POLR3E: variants seen among roughly 807,000 people sequenced by gnomAD.
POLR3E encodes RNA polymerase III subunit E, also known as DNA-directed RNA polymerase III subunit RPC5.
A neutral mutation model predicts 96.6 loss-of-function variants in POLR3E; 41 were observed. That is an observed-to-expected ratio of 0.42 (90% CI 0.33 to 0.55). POLR3E has a LOEUF of 0.55. Among genes scored for constraint, POLR3E ranks in the 20% least tolerant of loss-of-function variants. The pLI is 0.06. For missense variants in POLR3E, 849 were observed against 952.1 expected (o/e 0.89, Z 1.43); for synonymous variants, 396 against 383.6 (o/e 1.03, Z -0.38).
chr16:22,308,422 G>A (rs991306034), intron 4 of POLR3E, 197 bp downstream of exon 4: 36 of 581,782 alleles, frequency 6.2e-5, no homozygotes, highest in Middle Eastern at 9.2e-4. Context: ...GGACGCATGA[G>A]GCTGATGAAT....
At chr16:22,333,568 T>G in intron 20 of POLR3E, 76 bp from the exon 21 acceptor site, 2 of 970,828 alleles carry the variant, frequency 2.1e-6, no homozygotes, top group Admixed American at 1.7e-5. Context: ...ATAAATCGAG[T>G]GTTGACATTG....
intron 18 of POLR3E, chr16:22,327,390 T>TAG (rs2048621466): frequency 6.6e-6 from 1 of 152,260 alleles, no homozygotes; most frequent in Non-Finnish European, 1.5e-5. Flanking sequence ...AGCTCACCTT[T>TAG]CTTCATGAGC....
chr16:22,297,697 G>A (rs1395017007), intron 1 of POLR3E, among the ~76,000 whole-genome samples, 160 bp downstream of exon 1: 2 of 152,260 alleles, frequency 1.3e-5, no homozygotes, highest in South Asian at 2.1e-4. Flanking sequence ...AGGGGCAGCC[G>A]GCTCCAGGCC....
chr16:22,328,382 A>AT (rs1229442547), intron 18 of POLR3E, 128 bp from the exon 19 acceptor site: 8 of 752,950 alleles, frequency 1.1e-5, no homozygotes, highest in African/African-American at 1.7e-5. Flanking sequence ...AGAGATGGTG[A>AT]GTAGCAGAAG....
In POLR3E at chr16:22,315,084, C is replaced by T. The variant is rs57791610; in HGVS notation, c.523-5C>T. 7,951 of 1,612,802 alleles carry T rather than the reference C, an allele frequency of 4.9e-3. 235 individuals carry two copies. In the African/African-American group the frequency reaches 0.065, roughly 13 times the overall value. On this transcript the variant is annotated splice_region_variant and splice_polypyrimidine_tract_variant and intron_variant, in intron 8 of 20. Transcript: ENST00000299853. ...CGGTATGACCTCTTCCCCTTCCCAC[C>T]GCAGGTGCGGTTCTCCCGGCCGGAG...
intron 18 of POLR3E, 105 bp from the exon 19 acceptor site, chr16:22,328,405 C>T: frequency 1.1e-6 from 1 of 934,352 alleles, no homozygotes; most frequent in Non-Finnish European, 1.7e-6. Flanking sequence ...GGGATTGGAA[C>T]CCATGTTCCT....
At position 22,309,044 on chromosome 16, in the gene POLR3E, A is replaced by G. The variant is rs1598244721; in HGVS notation, c.281+4A>G. 3.7e-6 allele frequency: 6 copies of G among 1,601,970 alleles called. No individual in the cohort carries two copies. Among genetic ancestry groups the G allele is most frequent in the Non-Finnish European group, 5.1e-6 (6 of 1,169,558 alleles). On this transcript the variant is annotated splice_donor_region_variant and intron_variant, in intron 5 of 20. Transcript: ENST00000299853. The stretch of plus-strand genomic sequence containing the variant: ...ACGAGACCAGCACGTATTCCTCGTG[A>G]GTTTCCGGCCCCAAGCCTGTCCGGT...
At chr16:22,316,807 C>A in intron 10 of POLR3E, 121 bp downstream of exon 10, 3 of 1,004,194 alleles carry the variant, frequency 3.0e-6, no homozygotes, top group South Asian at 1.3e-5. Flanking sequence ...AGCCCATTGT[C>A]CCCTGGAGAA....
At chr16:22,311,268 CTTTT>C (rs57435708) in intron 6 of POLR3E, among the ~76,000 whole-genome samples, 7 of 109,422 alleles carry the variant, frequency 6.4e-5, no homozygotes, top group African/African-American at 2.5e-4. Flanking sequence ...TGTGCCCAGC[CTTTT>C]TTTTTTTTTT....
At chr16:22,308,870 T>G in intron 4 of POLR3E, 55 bp from the exon 5 acceptor site, 1 of 1,237,896 alleles carries the variant, frequency 8.1e-7, no homozygotes, top group Non-Finnish European at 1.2e-6. Flanking sequence ...GGGTGTCCCT[T>G]GAGGAGCCAT....
chr16:22,327,368 T>G (rs552051927), intron 18 of POLR3E: 1 of 152,458 alleles, frequency 6.6e-6, no homozygotes, highest in African/African-American at 2.4e-5. Context: ...CACATGGGTC[T>G]GGGTCTCCAC....
chr16:22,329,709 T>TA (rs1170678487), intron 19 of POLR3E, among the ~76,000 whole-genome samples: 1 of 152,226 alleles, frequency 6.6e-6, no homozygotes, highest in Non-Finnish European at 1.5e-5. Flanking sequence ...TGCAGATTTT[T>TA]AAACATCAAA....
At chr16:22,305,447 G>A (rs764357149) in intron 3 of POLR3E, 1 of 685,576 alleles carries the variant, frequency 1.5e-6, no homozygotes, top group East Asian at 2.8e-5. Context: ...TCTGGGGTCA[G>A]ACCGGATTGA....
chr16:22,305,270 GAAC>G (rs1270087330), intron 3 of POLR3E, 64 bp downstream of exon 3: 1 of 1,186,772 alleles, frequency 8.4e-7, no homozygotes, highest in Non-Finnish European at 1.3e-6. Flanking sequence ...GTGGACTCAG[GAAC>G]ACGGGCAGGA....
In POLR3E at chr16:22,325,757, G is replaced by A; in HGVS notation, c.1349-4G>A. 5 of 1,551,496 alleles carry A rather than the reference G, an allele frequency of 3.2e-6. No homozygotes were observed. Among genetic ancestry groups the A allele is most frequent in the Non-Finnish European group, 4.3e-6 (5 of 1,150,836 alleles). ...CCTGAGCAGTGCTGCCTCCCTCCCC[G>A]CAGGGCCTGCCGGGCTGGTCTGTGG... On this transcript the variant is annotated splice_polypyrimidine_tract_variant and splice_region_variant and intron_variant, in intron 17 of 20. Transcript: ENST00000299853.
intron 18 of POLR3E, chr16:22,326,895 G>GCT (rs898513856): frequency 1.3e-5 from 2 of 155,256 alleles, no homozygotes; most frequent in African/African-American, 4.8e-5. Flanking sequence ...TCAGCGCTGT[G>GCT]CTCTCAGCAC....
chr16:22,302,724 T>G, intron 1 of POLR3E: 1 of 564,886 alleles, frequency 1.8e-6, no homozygotes, highest in South Asian at 2.2e-5. Context: ...TTGCACCCGC[T>G]GCTTGAGTGT....
At position 22,322,729 on chromosome 16, in the gene POLR3E, G is replaced by A; in HGVS notation, c.987-121G>A. ...TGTGGCTCCTAAGGGGAGGTCTTGG[G>A]GCTCAGGCCTGTACCCAGCCCACGG... On this transcript the variant is annotated intron_variant, in intron 13 of 20. Transcript: ENST00000299853. This position sits in a 1 kb window ranked among gnomAD's most constrained non-coding sequence, Gnocchi z 5.2. 1.5e-6 allele frequency: 1 copy of A among 655,212 alleles called. No homozygotes were observed. The highest frequency in any genetic ancestry group is 2.7e-6 in the Non-Finnish European group (1 of 369,694). The allele number at this position is 655,212 out of a possible 1,614,324, so 40.6% of individuals were successfully genotyped here.
In POLR3E at chr16:22,317,117, A is replaced by G. The variant is rs1598259267; in HGVS notation, c.776A>G (p.Asp259Gly). 1.2e-6 allele frequency: 2 copies of G among 1,614,146 alleles called. No homozygotes were observed. The highest frequency in any genetic ancestry group is 1.3e-5 in the African/African-American group (1 of 75,066). Residue 259 changes from aspartate (D) to glycine (G), a missense_variant and splice_region_variant, in exon 12 of 21, where the codon GAC becomes GGC. By Grantham distance (94) the Asp-to-Gly change is moderately conservative. Transcript: ENST00000299853. ...LMPPSQEEEK[D>G]KPVAPSNVLS... ...CCCGTCCCCTCTGCTTTTCCCAGAG[A>G]CAAGCCTGTGGCCCCCAGCAACGTC...
Sources: allele counts gnomAD v4.1 joint callset (sites outside exome capture counted in the v4.1 genomes callset), GRCh38; gene constraint gnomAD v4.1.1; non-coding constraint Gnocchi (gnomAD v3.1); transcripts MANE v1.5; gene names NCBI Gene and HGNC (gene_info 2026-07-23, HGNC 2026-07-21).